LRP1B: variants seen among roughly 807,000 people sequenced by gnomAD.
LRP1B encodes low-density lipoprotein receptor-related protein 1B.
LRP1B carries 217 observed loss-of-function variants against 556.6 expected under a neutral mutation model. The ratio of observed to expected loss-of-function variants is 0.39; its 90% CI spans 0.35 to 0.44. The LOEUF (loss-of-function observed/expected upper bound fraction) is 0.44. LRP1B is among the 20% of genes least tolerant of loss of function. LRP1B has a pLI of 1.00. For missense variants in LRP1B, 5,053 were observed against 5,620.8 expected (o/e 0.90, Z 3.23); for synonymous variants, 2,047 against 1,865.8 (o/e 1.10, Z -2.50).
chr2:140,358,214 A>G, intron 73 of LRP1B, 98 bp from the exon 74 acceptor site: 1 of 1,142,038 alleles, frequency 8.8e-7, no homozygotes, highest in Non-Finnish European at 1.2e-6. Context: ...ACTATGAAAA[A>G]CATGGGTTTA....
intron 1 of LRP1B, among the ~76,000 whole-genome samples, chr2:141,970,552 T>C (rs1701697513): frequency 6.6e-6 from 1 of 151,506 alleles, no homozygotes; most frequent in Non-Finnish European, 1.5e-5. Context: ...GGCTTTCAGA[T>C]CCATAATACA....
rs371508864 is a variant in LRP1B, at chr2:141,948,824, TA to T, written c.83-138424del. On this transcript the variant is annotated intron_variant, in intron 1 of 90. Coordinates refer to ENST00000389484, the MANE Select transcript of LRP1B (RefSeq NM_018557.3). ...ATAATTTAATAACAATAGCAGGATC[TA>T]AAAATCCAGAGTACATTTTAAAATG... Among the ~76,000 whole-genome samples, 627 of 152,188 alleles carry T rather than the reference TA, an allele frequency of 4.1e-3. 8 individuals carry two copies. The highest frequency in any genetic ancestry group is 0.014 in the African/African-American group (601 of 41,558).
chr2:140,795,658 T>A (rs1283976342), intron 32 of LRP1B, among the ~76,000 whole-genome samples: 1 of 152,118 alleles, frequency 6.6e-6, no homozygotes, highest in Non-Finnish European at 1.5e-5. Context: ...AATCTAGGTA[T>A]ATATAGCCCC....
intron 7 of LRP1B, among the ~76,000 whole-genome samples, chr2:141,141,411 T>C (rs1412571729): frequency 2.0e-5 from 3 of 152,174 alleles, no homozygotes; most frequent in Non-Finnish European, 2.9e-5. Context: ...ATACTAAGAA[T>C]GCAAACACAG....
At chr2:140,545,510 C>G (rs968693569) in intron 43 of LRP1B, among the ~76,000 whole-genome samples, 1 of 152,102 alleles carries the variant, frequency 6.6e-6, no homozygotes, top group African/African-American at 2.4e-5. Context: ...ATATGGCTAG[C>G]TATTTATCCC....
intron 2 of LRP1B, among the ~76,000 whole-genome samples, chr2:141,484,439 G>A (rs1382700386): frequency 1.3e-5 from 2 of 151,606 alleles, no homozygotes; most frequent in Non-Finnish European, 2.9e-5. Context: ...TTGACTTGGT[G>A]ATGTGGGTTC....
chr2:141,444,980 T>C (rs1681130997), intron 3 of LRP1B, among the ~76,000 whole-genome samples: 1 of 152,180 alleles, frequency 6.6e-6, no homozygotes, highest in Non-Finnish European at 1.5e-5. Context: ...TTCTATTGTT[T>C]GCAATAGTTT....
chr2:141,188,152 C>T (rs1189471754), intron 7 of LRP1B, among the ~76,000 whole-genome samples: 3 of 151,874 alleles, frequency 2.0e-5, no homozygotes, highest in Non-Finnish European at 4.4e-5. Flanking sequence ...CTCTGATGAC[C>T]CTGATGCAAT....
chr2:141,421,348 G>A (rs1680133087), intron 3 of LRP1B, among the ~76,000 whole-genome samples: 1 of 151,762 alleles, frequency 6.6e-6, no homozygotes, highest in Admixed American at 6.6e-5. Context: ...CTAAAACGGT[G>A]AAACCCCGTC....
intron 1 of LRP1B, among the ~76,000 whole-genome samples, chr2:141,869,096 G>A (rs1193446435): frequency 6.6e-6 from 1 of 152,028 alleles, no homozygotes; most frequent in Non-Finnish European, 1.5e-5. Context: ...AAATCATTCA[G>A]TGTTTGGACC....
At chr2:140,728,369 T>C (rs1687665017) in intron 35 of LRP1B, among the ~76,000 whole-genome samples, 1 of 152,210 alleles carries the variant, frequency 6.6e-6, no homozygotes, top group South Asian at 2.1e-4. Context: ...TGTCACCTTC[T>C]AGTCTTCTTC....
At chr2:141,576,195 T>C (rs927980339) in intron 2 of LRP1B, among the ~76,000 whole-genome samples, 1 of 152,190 alleles carries the variant, frequency 6.6e-6, no homozygotes, top group Admixed American at 6.5e-5. Context: ...TACCTAATGA[T>C]AGACTGGATA....
intron 60 of LRP1B, among the ~76,000 whole-genome samples, chr2:140,465,724 A>C (rs1687517736): frequency 6.6e-6 from 1 of 151,704 alleles, no homozygotes; most frequent in African/African-American, 2.4e-5. Context: ...CATTTGCAAA[A>C]AAAAAAAAAA....
chr2:141,240,891 G>A (rs532592942), intron 5 of LRP1B, among the ~76,000 whole-genome samples: 1 of 152,096 alleles, frequency 6.6e-6, no homozygotes, highest in African/African-American at 2.4e-5. Context: ...TTAGACTAAG[G>A]GTAAATGAAA....
chr2:140,955,933 G>T (rs564218945), intron 18 of LRP1B, among the ~76,000 whole-genome samples: 2 of 151,742 alleles, frequency 1.3e-5, no homozygotes, highest in East Asian at 3.9e-4. Context: ...CAAAACCTAT[G>T]CCATAGGTAT....
chr2:141,762,849 A>T (rs1286620918), intron 2 of LRP1B, among the ~76,000 whole-genome samples: 2 of 152,218 alleles, frequency 1.3e-5, no homozygotes, highest in African/African-American at 2.4e-5. Flanking sequence ...TGTAACTGAG[A>T]TAGGCTTCAC....
intron 84 of LRP1B, among the ~76,000 whole-genome samples, chr2:140,286,631 G>T (rs533867199): frequency 2.0e-5 from 3 of 151,720 alleles, no homozygotes; most frequent in African/African-American, 4.8e-5. Context: ...AACTATTTTC[G>T]TCAGTGTTCT....
chr2:140,303,788 C>G (rs921298992), intron 83 of LRP1B, among the ~76,000 whole-genome samples: 1 of 143,696 alleles, frequency 7.0e-6, no homozygotes, highest in African/African-American at 2.5e-5. Context: ...AGGTATATCT[C>G]CTAATCCTAT....
At chr2:140,471,186 A>G (rs1015397508) in intron 60 of LRP1B, among the ~76,000 whole-genome samples, 3 of 152,216 alleles carry the variant, frequency 2.0e-5, no homozygotes, top group Non-Finnish European at 4.4e-5. Context: ...GACCTATTCC[A>G]TGTCTCAAGA....
Sources: allele counts gnomAD v4.1 joint callset (sites outside exome capture counted in the v4.1 genomes callset), GRCh38; gene constraint gnomAD v4.1.1; transcripts MANE v1.5; gene names NCBI Gene and HGNC (gene_info 2026-07-23, HGNC 2026-07-21).